The following DPH6 variants were observed in gnomAD, a reference collection of about 807,000 sequenced individuals.
DPH6 encodes the protein diphthamine biosynthesis 6.
Under a neutral mutation model 38.2 loss-of-function variants are expected in DPH6, and 33 were observed. The observed-to-expected ratio is 0.86, with a 90% CI of 0.65 to 1.15. The LOEUF (loss-of-function observed/expected upper bound fraction) is 1.15, where lower values mean the gene tolerates loss of function less well. DPH6 is among the 50% of genes most tolerant of loss of function. The probability of loss-of-function intolerance (pLI) is 0.00; values close to 1 mark genes in which losing one functional copy is unlikely to be tolerated. For synonymous variants in DPH6, 108 were observed against 103.0 expected, an observed-to-expected ratio of 1.05 and a Z score of -0.30; for missense variants, 325 against 320.0, an observed-to-expected ratio of 1.02 and a Z score of -0.12.
intron 3 of DPH6, among the ~76,000 whole-genome samples, chr15:35,342,101 T>G (rs1367684293): frequency 3.3e-5 from 5 of 152,298 alleles, no homozygotes; most frequent in African/African-American, 1.2e-4. Context: ...TGTGAGGTGC[T>G]GTGGAAGTGG....
intron 3 of DPH6, among the ~76,000 whole-genome samples, chr15:35,469,229 A>T (rs2054167366): frequency 6.6e-6 from 1 of 152,226 alleles, no homozygotes; most frequent in Non-Finnish European, 1.5e-5. Flanking sequence ...GCATGATAAC[A>T]TAAATATTGG....
chr15:35,522,967 G>A (rs1445150554), intron 3 of DPH6, among the ~76,000 whole-genome samples: 1 of 151,962 alleles, frequency 6.6e-6, no homozygotes, highest in East Asian at 1.9e-4. Context: ...CCACTGTATA[G>A]ATATGTCATA....
chr15:35,253,707 AGCC>A, intron 3 of DPH6, among the ~76,000 whole-genome samples: 1 of 152,200 alleles, frequency 6.6e-6, no homozygotes, highest in African/African-American at 2.4e-5. Flanking sequence ...TACCCCTTCA[AGCC>A]TAAAAATCCA....
intron 3 of DPH6, among the ~76,000 whole-genome samples, chr15:35,295,584 G>C (rs962727199): frequency 1.3e-5 from 2 of 152,016 alleles, no homozygotes; most frequent in Non-Finnish European, 2.9e-5. Flanking sequence ...TCCACATCTA[G>C]GTAGATAATC....
chr15:35,241,537 C>T lies in DPH6; in HGVS notation n.201-20955G>A, dbSNP rs910573845. On this transcript the variant is annotated intron_variant and non_coding_transcript_variant, in intron 3 of 3. Coordinates refer to the DPH6 transcript ENST00000560386. ...CACCTGCCCAGTTCCCTTATTAGGC[C>T]GAGATATTTTAACCAAATTATCTGC... Among the ~76,000 whole-genome samples the T allele has an allele frequency of 1.4e-4, 20 of 142,150 alleles. 3 individuals carry two copies. The highest frequency in any genetic ancestry group is 4.6e-4 in the African/African-American group (18 of 39,246). The allele number at this position is 142,150 out of a possible 152,430, so 93.3% of individuals were successfully genotyped here. A position where few individuals can be genotyped will look rare whatever the true frequency, so the allele number is the denominator to read the frequency against.
chr15:35,522,747 G>C (rs928856107), intron 3 of DPH6, among the ~76,000 whole-genome samples: 1 of 151,814 alleles, frequency 6.6e-6, no homozygotes, highest in African/African-American at 2.4e-5. Flanking sequence ...GAAAAACACC[G>C]AAAAATTAAA....
chr15:35,359,565 C>A (rs569415983), intron 3 of DPH6, among the ~76,000 whole-genome samples: 1 of 152,302 alleles, frequency 6.6e-6, no homozygotes, highest in South Asian at 2.1e-4. Flanking sequence ...TTCCTCCACC[C>A]CTGTATTTTG....
At chr15:35,436,000 C>T (rs1476066664) in intron 5 of DPH6, among the ~76,000 whole-genome samples, 1 of 151,902 alleles carries the variant, frequency 6.6e-6, no homozygotes, top group African/African-American at 2.4e-5. Flanking sequence ...AGTCATCCAC[C>T]TCCACCCCAA....
chr15:35,450,566 C>T, intron 5 of DPH6, 119 bp downstream of exon 5: 1 of 835,036 alleles, frequency 1.2e-6, no homozygotes. Context: ...ATTTCTTCAG[C>T]TGTGACTCCA....
intron 3 of DPH6, among the ~76,000 whole-genome samples, chr15:35,533,628 CT>C (rs2055121133): frequency 6.6e-6 from 1 of 151,336 alleles, no homozygotes; most frequent in Admixed American, 6.6e-5. Flanking sequence ...CTTTAGATTG[CT>C]GTCAATAATA....
chr15:35,515,775 G>A (rs555778732), intron 3 of DPH6, among the ~76,000 whole-genome samples: 2 of 148,764 alleles, frequency 1.3e-5, no homozygotes, highest in Non-Finnish European at 1.5e-5. Context: ...GCACTCACCT[G>A]TAGTTCCAGC....
chr15:35,527,340 A>C (rs1419300859), intron 3 of DPH6, among the ~76,000 whole-genome samples: 1 of 152,180 alleles, frequency 6.6e-6, no homozygotes, highest in East Asian at 1.9e-4. Context: ...CCCACATTTT[A>C]TAGATGGAGC....
At chr15:35,313,688 T>C (rs1307601677) in intron 3 of DPH6, among the ~76,000 whole-genome samples, 4 of 152,214 alleles carry the variant, frequency 2.6e-5, no homozygotes, top group African/African-American at 7.2e-5. Flanking sequence ...CCTGCAATTA[T>C]TGAATTCATT....
At chr15:35,346,584 C>A (rs1288054912) in intron 3 of DPH6, among the ~76,000 whole-genome samples, 3 of 152,042 alleles carry the variant, frequency 2.0e-5, no homozygotes, top group African/African-American at 7.2e-5. Context: ...ATGTGGACTT[C>A]CATGACTTCT....
chr15:35,292,809 C>T (rs2051988957), intron 3 of DPH6, among the ~76,000 whole-genome samples: 1 of 152,028 alleles, frequency 6.6e-6, no homozygotes, highest in Non-Finnish European at 1.5e-5. Flanking sequence ...TTTTGAAACT[C>T]AGTTCAGTTT....
At chr15:35,354,990 T>A (rs2052546891) in intron 3 of DPH6, among the ~76,000 whole-genome samples, 1 of 152,208 alleles carries the variant, frequency 6.6e-6, no homozygotes, top group African/African-American at 2.4e-5. Context: ...GCATACATAT[T>A]TAGGATAGTT....
intron 3 of DPH6, among the ~76,000 whole-genome samples, chr15:35,305,921 G>T (rs2052086970): frequency 6.6e-6 from 1 of 152,136 alleles, no homozygotes; most frequent in Admixed American, 6.5e-5. Flanking sequence ...GAACACTAAG[G>T]TTTTAACATC....
chr15:35,254,237 T>C (rs968645345), intron 3 of DPH6, among the ~76,000 whole-genome samples: 1 of 152,246 alleles, frequency 6.6e-6, no homozygotes, highest in Non-Finnish European at 1.5e-5. Context: ...CCAATCAAAC[T>C]TGTTAATTGA....
At chr15:35,252,857 G>A (rs1459435188) in intron 3 of DPH6, among the ~76,000 whole-genome samples, 1 of 152,152 alleles carries the variant, frequency 6.6e-6, no homozygotes, top group South Asian at 2.1e-4. Flanking sequence ...GTAATATAAA[G>A]GTTTTGATGT....
Sources: allele counts gnomAD v4.1 joint callset (sites outside exome capture counted in the v4.1 genomes callset), GRCh38; gene constraint gnomAD v4.1.1; transcripts MANE v1.5; gene names NCBI Gene and HGNC (gene_info 2026-07-23, HGNC 2026-07-21).